Variants in ART3 observed in about 807,000 individuals in gnomAD.
ART3 encodes ecto-ADP-ribosyltransferase 3.
In ART3, 49 loss-of-function variants were observed where a neutral mutation model predicts 48.5. That is an observed-to-expected ratio of 1.01 (90% CI 0.80 to 1.28). ART3 has a LOEUF of 1.28. ART3 is among the 50% of genes most tolerant of loss of function. The pLI is 0.00. For synonymous variants in ART3, 145 were observed against 157.2 expected (o/e 0.92, Z 0.58); for missense variants, 438 against 454.3 (o/e 0.96, Z 0.33).
intron 2 of ART3, among the ~76,000 whole-genome samples, chr4:76,078,543 C>G (rs1479761839): frequency 6.6e-6 from 1 of 152,132 alleles, no homozygotes; most frequent in African/African-American, 2.4e-5. Context: ...GACCTACAAA[C>G]CCAGGACTAC....
intron 3 of ART3, among the ~76,000 whole-genome samples, chr4:76,094,274 A>G (rs1350702660): frequency 6.6e-6 from 1 of 152,180 alleles, no homozygotes; most frequent in Non-Finnish European, 1.5e-5. Context: ...TTTTTTGGAC[A>G]CATGGAATAC....
At chr4:76,032,945 A>G (rs1734011657) in intron 1 of ART3, among the ~76,000 whole-genome samples, 1 of 151,924 alleles carries the variant, frequency 6.6e-6, no homozygotes, top group Non-Finnish European at 1.5e-5. Flanking sequence ...CTATATAGAT[A>G]TTTATATAGA....
At chr4:76,022,474 A>T in intron 1 of ART3, 1 of 1,602,694 alleles carries the variant, frequency 6.2e-7, no homozygotes, top group Non-Finnish European at 8.5e-7. Flanking sequence ...ATAAATAGGG[A>T]TGAAAATATT....
At chr4:76,037,899 T>G (rs1343876142) in intron 1 of ART3, among the ~76,000 whole-genome samples, 1 of 152,190 alleles carries the variant, frequency 6.6e-6, no homozygotes, top group African/African-American at 2.4e-5. Flanking sequence ...TTTTATCTTA[T>G]TCAACTTCTT....
intron 1 of ART3, among the ~76,000 whole-genome samples, chr4:76,050,419 A>G (rs901739097): frequency 1.2e-4 from 19 of 152,260 alleles, no homozygotes; most frequent in Non-Finnish European, 8.8e-5. Flanking sequence ...GAATAGCTAG[A>G]TACGGAGTGT....
intron 10 of ART3, among the ~76,000 whole-genome samples, chr4:76,105,355 C>A (rs946368834): frequency 5.3e-5 from 8 of 152,156 alleles, no homozygotes; most frequent in Non-Finnish European, 7.3e-5. Flanking sequence ...TAAGTTACTT[C>A]ACTTTCTACG....
chr4:76,077,176 A>G (rs948432336), intron 2 of ART3, among the ~76,000 whole-genome samples: 1 of 152,190 alleles, frequency 6.6e-6, no homozygotes, highest in Admixed American at 6.5e-5. Context: ...ATTAGCAGTC[A>G]GCCCCAATTT....
At chr4:76,061,580 C>A (rs10010920) in intron 1 of ART3, among the ~76,000 whole-genome samples, 89,148 of 152,046 alleles carry the variant, frequency 0.59, 26,990 homozygotes, top group East Asian at 0.94. Flanking sequence ...CCATTTCAGT[C>A]AAGTTCCAAT....
intron 1 of ART3, among the ~76,000 whole-genome samples, chr4:76,044,803 T>G (rs1735339755): frequency 6.6e-6 from 1 of 152,034 alleles, no homozygotes; most frequent in Non-Finnish European, 1.5e-5. Context: ...CCGCTTATGC[T>G]GCTGTTCTCC....
chr4:76,032,971 A>G (rs1330737252), intron 1 of ART3, among the ~76,000 whole-genome samples: 1 of 151,918 alleles, frequency 6.6e-6, no homozygotes. Context: ...ATAACAATTT[A>G]TTATAAATCT....
At chr4:76,084,210 A>C (rs1723079356) in intron 3 of ART3, among the ~76,000 whole-genome samples, 2 of 152,080 alleles carry the variant, frequency 1.3e-5, no homozygotes, top group Admixed American at 1.3e-4. Context: ...TCTCATTACC[A>C]TTCTGAGATA....
intron 5 of ART3, 41 bp downstream of exon 5, chr4:76,099,028 A>C: frequency 1.3e-6 from 2 of 1,568,688 alleles, no homozygotes; most frequent in Non-Finnish European, 1.8e-6. Flanking sequence ...TTGGTTGGGC[A>C]TGGTGGCTCA....
intron 1 of ART3, chr4:76,034,728 C>A: frequency 8.5e-7 from 1 of 1,183,094 alleles, no homozygotes; most frequent in South Asian, 1.3e-5. Context: ...TTTCAGTAGT[C>A]ACAGTTAAAC....
At chr4:76,096,321 T>C (rs1041638999) in intron 3 of ART3, among the ~76,000 whole-genome samples, 2 of 152,236 alleles carry the variant, frequency 1.3e-5, no homozygotes, top group Non-Finnish European at 2.9e-5. Flanking sequence ...TTCTAACACA[T>C]CTGTTATTTC....
intron 3 of ART3, among the ~76,000 whole-genome samples, chr4:76,088,337 T>A (rs987772235): frequency 6.6e-6 from 1 of 151,896 alleles, no homozygotes; most frequent in Non-Finnish European, 1.5e-5. Context: ...TGTATAATGC[T>A]CTACATAATT....
chr4:76,043,858 C>G lies in ART3; in HGVS notation c.-9-32023C>G, dbSNP rs557729447. On this transcript the variant is annotated intron_variant, in intron 1 of 9. Transcript: ENST00000341029. ...GCACACTGTCACCTCTCAATCCCAC[C>G]TCTAAACAGGACACCCCAACTGCTG... is the stretch of plus-strand genomic sequence containing the variant. Among the ~76,000 whole-genome samples, 287 of 152,122 alleles carry G rather than the reference C, an allele frequency of 1.9e-3. 4 individuals carry two copies. The highest frequency in any genetic ancestry group is 3.5e-3 in the Non-Finnish European group (238 of 67,924).
intron 1 of ART3, among the ~76,000 whole-genome samples, chr4:76,029,606 A>G (rs1733699227): frequency 6.6e-6 from 1 of 152,218 alleles, no homozygotes; most frequent in Non-Finnish European, 1.5e-5. Context: ...ACTACTTATA[A>G]TCCACAGAAT....
intron 1 of ART3, among the ~76,000 whole-genome samples, chr4:76,024,359 A>T (rs1009685505): frequency 1.2e-4 from 19 of 152,126 alleles, no homozygotes; most frequent in African/African-American, 4.1e-4. Context: ...AAACAGGTTG[A>T]TTTACGATGG....
chr4:76,089,394 TC>T (rs1374721394), intron 3 of ART3, among the ~76,000 whole-genome samples: 1 of 152,174 alleles, frequency 6.6e-6, no homozygotes, highest in African/African-American at 2.4e-5. Flanking sequence ...TTTAGCACCG[TC>T]CCCTTTGTGC....
Sources: gnomAD v4.1 joint callset for allele counts (sites outside exome capture counted in the v4.1 genomes callset) on GRCh38, gnomAD v4.1.1 for gene constraint, MANE v1.5 for transcripts, NCBI Gene and HGNC (gene_info 2026-07-23, HGNC 2026-07-21) for gene names.